Variants in EPHB1 observed in about 807,000 individuals in gnomAD.
The protein encoded by EPHB1 is EPH receptor B1, also known as ephrin type-B receptor 1.
In EPHB1, 30 loss-of-function variants were observed where a neutral mutation model predicts 94.4. The ratio of observed to expected loss-of-function variants is 0.32; its 90% CI spans 0.24 to 0.43. The LOEUF (loss-of-function observed/expected upper bound fraction) is 0.43, where lower values mean the gene tolerates loss of function less well. EPHB1 is among the 20% of genes least tolerant of loss of function. The pLI is 1.00. For missense variants in EPHB1, 1,055 were observed against 1,308.3 expected (o/e 0.81, Z 2.99); for synonymous variants, 522 against 489.1 (o/e 1.07, Z -0.89).
chr3:135,231,155 G>GCAAGCAGGC (rs1268775728), intron 12 of EPHB1, among the ~76,000 whole-genome samples: 6 of 152,184 alleles, frequency 3.9e-5, no homozygotes, highest in Non-Finnish European at 8.8e-5. Context: ...AGAGGGGCCT[G>GCAAGCAGGC]CTTGTCAAAT....
At chr3:135,038,840 G>A (rs1311059392) in intron 3 of EPHB1, among the ~76,000 whole-genome samples, 1 of 149,972 alleles carries the variant, frequency 6.7e-6, no homozygotes, top group African/African-American at 2.4e-5. Context: ...AGTGTGGAAG[G>A]GGACCCCAGC....
intron 6 of EPHB1, among the ~76,000 whole-genome samples, chr3:135,155,953 G>A (rs1056961140): frequency 2.6e-5 from 4 of 151,940 alleles, no homozygotes; most frequent in East Asian, 1.9e-4. Flanking sequence ...AATTATTAAC[G>A]AGGATGATGG....
chr3:135,154,317 A>T, intron 6 of EPHB1, 41 bp downstream of exon 6: 1 of 1,612,246 alleles, frequency 6.2e-7, no homozygotes, highest in Non-Finnish European at 8.5e-7. Context: ...ACCCAAGGCC[A>T]GCCACTGTTC....
chr3:135,213,600 G>T (rs146517797), intron 12 of EPHB1, among the ~76,000 whole-genome samples: 1 of 152,120 alleles, frequency 6.6e-6, no homozygotes. Flanking sequence ...TGGAGCTCAC[G>T]TACACACTCA....
chr3:134,936,505 C>G (rs1367829561), intron 2 of EPHB1, among the ~76,000 whole-genome samples: 4 of 152,264 alleles, frequency 2.6e-5, no homozygotes, highest in Admixed American at 6.5e-5. Context: ...GCAGGGAGAG[C>G]TGTGAGGGTT....
intron 3 of EPHB1, among the ~76,000 whole-genome samples, chr3:135,092,331 C>T (rs1200774694): frequency 6.6e-6 from 1 of 152,074 alleles, no homozygotes; most frequent in Non-Finnish European, 1.5e-5. Flanking sequence ...TGTTGGGTGC[C>T]AGGGGCCCCG....
chr3:134,820,158 T>G (rs2036352905), intron 1 of EPHB1, among the ~76,000 whole-genome samples: 1 of 151,670 alleles, frequency 6.6e-6, no homozygotes, highest in Admixed American at 6.6e-5. Context: ...CCTACCTATC[T>G]CAGCCTGGGA....
chr3:134,932,169 C>T lies in EPHB1; in HGVS notation c.123+6289C>T, dbSNP rs3772664. 0.035 allele frequency among the ~76,000 whole-genome samples: 5,258 copies of T among 152,220 alleles called. 487 individuals carry two copies. In the East Asian group the frequency reaches 0.39, roughly 11 times the overall value. On this transcript the variant is annotated intron_variant, in intron 2 of 15. Coordinates refer to ENST00000398015, the MANE Select transcript of EPHB1 (RefSeq NM_004441.5). The stretch of plus-strand genomic sequence containing the variant: ...CTGAATGGAGAGCTTCCAGAGCAGG[C>T]TTCTGTGAAGGGAACAACACGTATC...
At chr3:135,167,437 T>C (rs1322953259) in intron 9 of EPHB1, among the ~76,000 whole-genome samples, 2 of 152,212 alleles carry the variant, frequency 1.3e-5, no homozygotes, top group African/African-American at 4.8e-5. Context: ...AGGTAGGGAA[T>C]TAAAAAGATA....
intron 1 of EPHB1, among the ~76,000 whole-genome samples, chr3:134,897,774 C>G (rs1192413277): frequency 2.6e-5 from 4 of 152,150 alleles, no homozygotes; most frequent in Non-Finnish European, 1.5e-5. Context: ...AAAGAAAGAC[C>G]GTGCCTGGTT....
intron 3 of EPHB1, among the ~76,000 whole-genome samples, chr3:135,041,257 C>T (rs1936834524): frequency 6.6e-6 from 1 of 152,144 alleles, no homozygotes; most frequent in Non-Finnish European, 1.5e-5. Context: ...CTTTCAACCC[C>T]CCAGCCTTCC....
Position 134,882,826 on chromosome 3 carries a change from T to C in EPHB1, c.59-42990T>C, listed in dbSNP as rs962282317. On this transcript the variant is annotated intron_variant, in intron 1 of 15. Coordinates refer to ENST00000398015, the MANE Select transcript of EPHB1 (RefSeq NM_004441.5). ...TCTTTCTTTCTTTCTTTCTTTCTTT[T>C]CTTTCTTTCTTTCTTTTCTTTCTCT... Among the ~76,000 whole-genome samples, 287 of 140,084 alleles carry C rather than the reference T, an allele frequency of 2.0e-3. 11 individuals are homozygous for C. The highest frequency in any genetic ancestry group is 0.02 in the Admixed American group (274 of 13,684). The allele number at this position is 140,084 out of a possible 152,430, so 91.9% of individuals were successfully genotyped here. A position where few individuals can be genotyped will look rare whatever the true frequency, so the allele number is the denominator to read the frequency against.
chr3:135,061,683 G>T (rs1219416987), intron 3 of EPHB1, among the ~76,000 whole-genome samples: 1 of 151,768 alleles, frequency 6.6e-6, no homozygotes, highest in African/African-American at 2.4e-5. Flanking sequence ...TTCCATGTGG[G>T]TGTGCTGCAC....
intron 15 of EPHB1, among the ~76,000 whole-genome samples, chr3:135,255,928 A>G (rs1458985748): frequency 6.8e-6 from 1 of 147,862 alleles, no homozygotes; most frequent in Non-Finnish European, 1.5e-5. Context: ...TATATTTAGG[A>G]TAGTTAGCTC....
At chr3:135,003,246 A>G (rs1169177618) in intron 3 of EPHB1, among the ~76,000 whole-genome samples, 1 of 151,512 alleles carries the variant, frequency 6.6e-6, no homozygotes, top group African/African-American at 2.4e-5. Flanking sequence ...CAGGTTGTTC[A>G]GTTTCCATGT....
intron 1 of EPHB1, among the ~76,000 whole-genome samples, chr3:134,898,214 A>G (rs777472766): frequency 2.0e-5 from 3 of 152,258 alleles, no homozygotes; most frequent in Non-Finnish European, 1.5e-5. Flanking sequence ...CCAGCCTCCT[A>G]TAAGTTACAC....
At chr3:135,183,326 C>T (rs1409253684) in intron 10 of EPHB1, among the ~76,000 whole-genome samples, 3 of 149,310 alleles carry the variant, frequency 2.0e-5, no homozygotes, top group African/African-American at 5.0e-5. Context: ...TATAAGCACA[C>T]CCCCACCCTC....
At chr3:134,896,643 C>A (rs977474366) in intron 1 of EPHB1, among the ~76,000 whole-genome samples, 10 of 152,268 alleles carry the variant, frequency 6.6e-5, no homozygotes, top group African/African-American at 1.9e-4. Context: ...CTGTAAATCT[C>A]AATGGCGCTA....
chr3:134,875,951 G>A (rs2037608020), intron 1 of EPHB1, among the ~76,000 whole-genome samples: 1 of 152,092 alleles, frequency 6.6e-6, no homozygotes, highest in East Asian at 1.9e-4. Flanking sequence ...TGCACACTTG[G>A]TCTTGTCATC....
Sources: allele counts gnomAD v4.1 joint callset (sites outside exome capture counted in the v4.1 genomes callset), GRCh38; gene constraint gnomAD v4.1.1; transcripts MANE v1.5; gene names NCBI Gene and HGNC (gene_info 2026-07-23, HGNC 2026-07-21).